Variants in IKZF2 observed in about 807,000 individuals in gnomAD.
The protein encoded by IKZF2 is zinc finger protein Helios.
A neutral mutation model predicts 49.2 loss-of-function variants in IKZF2; 15 were observed. That is an observed-to-expected ratio of 0.30 (90% confidence interval 0.20 to 0.47). The LOEUF is 0.47. Ranked by LOEUF, IKZF2 falls within the 20% of genes least tolerant of loss-of-function variation. The pLI is 1.00. For missense variants in IKZF2, 567 were observed against 664.6 expected (o/e 0.85, Z 1.61); for synonymous variants, 227 against 221.4 (o/e 1.03, Z -0.23).
At chr2:213,114,858 G>C (rs1165145878) in intron 4 of IKZF2, among the ~76,000 whole-genome samples, 1 of 151,856 alleles carries the variant, frequency 6.6e-6, no homozygotes, top group African/African-American at 2.4e-5. Flanking sequence ...CTTGAACCCG[G>C]GAGGCAACTG....
intron 4 of IKZF2, among the ~76,000 whole-genome samples, chr2:213,113,832 A>T (rs544015017): frequency 6.6e-6 from 1 of 152,174 alleles, no homozygotes; most frequent in Non-Finnish European, 1.5e-5. Context: ...TAAAGTTGGC[A>T]TCTATTGAGC....
At chr2:213,064,922 T>G (rs957261788) in intron 4 of IKZF2, among the ~76,000 whole-genome samples, 1 of 152,062 alleles carries the variant, frequency 6.6e-6, no homozygotes, top group Admixed American at 6.6e-5. Context: ...TTCATATTAC[T>G]CTTCTAAATG....
At chr2:213,076,910 AT>A (rs1229296229) in intron 4 of IKZF2, among the ~76,000 whole-genome samples, 5 of 152,228 alleles carry the variant, frequency 3.3e-5, no homozygotes, top group African/African-American at 4.8e-5. Context: ...TCCAAAAAAA[AT>A]AAATAAATAA....
Position 213,007,565 on chromosome 2 carries a change from T to C in IKZF2, c.1376A>G (p.Lys459Arg). The C allele has an allele frequency of 1.2e-6, 2 of 1,613,710 alleles. No homozygotes were observed. The highest frequency in any genetic ancestry group is 1.7e-6 in the Non-Finnish European group (2 of 1,179,734). ...CTGTTCTCCTTCTCCATTGAAGACCTTGTAGATGTCCTTCAGAGAGCCCTT... is the reference window on the plus strand; with the variant it reads ...CTGTTCTCCTTCTCCATTGAAGACCCTGTAGATGTCCTTCAGAGAGCCCTT... ...APKGSLKDIYKVFNGEGEQIR... is the reference protein window; with the variant it reads ...APKGSLKDIYRVFNGEGEQIR... Residue 459 changes from lysine to arginine, a missense_variant, in exon 9 of 9, where the codon AAG becomes AGG. Around this residue, in one of 5 missense-constraint regions of IKZF2, gnomAD observed 310 missense variants for 326.9 expected, o/e 0.95. Coordinates refer to ENST00000434687, the MANE Select transcript of IKZF2 (RefSeq NM_001387220.1).
intron 5 of IKZF2, among the ~76,000 whole-genome samples, chr2:213,054,398 T>C (rs910577262): frequency 6.6e-6 from 1 of 152,176 alleles, no homozygotes; most frequent in Non-Finnish European, 1.5e-5. Flanking sequence ...TTCATGGTAT[T>C]AAGGAGAAAA....
chr2:213,093,687 C>CA (rs1222474714), intron 4 of IKZF2, among the ~76,000 whole-genome samples: 1 of 152,096 alleles, frequency 6.6e-6, no homozygotes, highest in Non-Finnish European at 1.5e-5. Flanking sequence ...GTGCCTGACC[C>CA]AAAGTAAGCC....
rs184160215 is a variant in IKZF2 at position 213,108,381 on chromosome 2, T to C, written c.139+39327A>G. 3.7e-4 allele frequency among the ~76,000 whole-genome samples: 56 copies of C among 152,228 alleles called. No homozygotes were observed. In the East Asian group the frequency reaches 9.3e-3, roughly 25 times the overall value. On this transcript the variant is annotated intron_variant, in intron 4 of 8. Coordinates refer to ENST00000434687, the MANE Select transcript of IKZF2 (RefSeq NM_001387220.1). The stretch of plus-strand genomic sequence containing the variant: ...TTCTGCCATCCCCAATGAACTGTGG[T>C]CATAATAAGCAGATTTGTGTGCATG...
chr2:213,106,441 C>A (rs1310410349), intron 4 of IKZF2, among the ~76,000 whole-genome samples: 2 of 151,658 alleles, frequency 1.3e-5, no homozygotes, highest in Admixed American at 6.6e-5. Flanking sequence ...GTGTTTGAGA[C>A]CAGCCTGTGA....
intron 4 of IKZF2, among the ~76,000 whole-genome samples, chr2:213,120,001 T>C (rs1177449074): frequency 6.6e-6 from 1 of 150,504 alleles, no homozygotes; most frequent in Non-Finnish European, 1.5e-5. Flanking sequence ...CCTCTTTTCA[T>C]TCCCCAGGTA....
At chr2:213,068,024 C>T (rs975072772) in intron 4 of IKZF2, among the ~76,000 whole-genome samples, 2 of 152,092 alleles carry the variant, frequency 1.3e-5, no homozygotes, top group African/African-American at 4.8e-5. Context: ...AATGAGTTAT[C>T]TCCATTTCTA....
intron 3 of IKZF2, 37 bp from the exon 4 acceptor site, chr2:213,147,849 A>G (rs747195746): frequency 2.0e-6 from 3 of 1,474,764 alleles, no homozygotes; most frequent in Non-Finnish European, 2.8e-6. Context: ...GTTTCTATTC[A>G]TTGTCACATA....
chr2:213,147,894 T>C (rs1310897100), intron 3 of IKZF2, 82 bp from the exon 4 acceptor site: 9 of 931,382 alleles, frequency 9.7e-6, no homozygotes, highest in Admixed American at 1.8e-5. Context: ...ATACACGCAA[T>C]GGCATGCATA....
intron 4 of IKZF2, among the ~76,000 whole-genome samples, chr2:213,093,882 A>G (rs1021219449): frequency 2.6e-5 from 4 of 152,214 alleles, no homozygotes; most frequent in Non-Finnish European, 5.9e-5. Flanking sequence ...CTAATACATT[A>G]TAAGACATAA....
intron 7 of IKZF2, among the ~76,000 whole-genome samples, chr2:213,020,634 G>T (rs1697108185): frequency 6.6e-6 from 1 of 152,102 alleles, no homozygotes; most frequent in Admixed American, 6.5e-5. Context: ...CAAATCAATA[G>T]AATTAGATTC....
chr2:213,021,927 T>TG (rs1697268343), intron 7 of IKZF2, 66 bp downstream of exon 7: 1 of 1,515,908 alleles, frequency 6.6e-7, no homozygotes, highest in Non-Finnish European at 8.9e-7. Context: ...CATAAGATTT[T>TG]ATCTTCATGT....
chr2:213,023,355 T>A (rs1697439172), intron 6 of IKZF2, among the ~76,000 whole-genome samples: 1 of 152,216 alleles, frequency 6.6e-6, no homozygotes, highest in Admixed American at 6.5e-5. Flanking sequence ...ACCTTTAGAT[T>A]GTAATTGAGG....
chr2:213,066,843 A>T (rs1254974051), intron 4 of IKZF2, among the ~76,000 whole-genome samples: 1 of 152,106 alleles, frequency 6.6e-6, no homozygotes, highest in Non-Finnish European at 1.5e-5. Flanking sequence ...TGAAGTATTT[A>T]AATCATGGAA....
At chr2:213,110,468 T>A (rs78109599) in intron 4 of IKZF2, among the ~76,000 whole-genome samples, 1,997 of 151,982 alleles carry the variant, frequency 0.013, 41 homozygotes, top group African/African-American at 0.046. Context: ...CTTAGCAATA[T>A]ATTTTCGAAA....
chr2:213,020,543 C>G (rs1697097797), intron 7 of IKZF2, among the ~76,000 whole-genome samples: 1 of 151,724 alleles, frequency 6.6e-6, no homozygotes, highest in Non-Finnish European at 1.5e-5. Flanking sequence ...CTTGAAATAT[C>G]AAATTTACCA....
Sources: allele counts gnomAD v4.1 joint callset (sites outside exome capture counted in the v4.1 genomes callset), GRCh38; gene constraint gnomAD v4.1.1; regional missense constraint gnomAD v4.1.1; transcripts MANE v1.5; gene names NCBI Gene and HGNC (gene_info 2026-07-23, HGNC 2026-07-21).